The following NALF1 variants were observed in gnomAD, a reference collection of about 807,000 sequenced individuals.
NALF1 encodes NALCN channel auxiliary factor 1.
Under a neutral mutation model 48.4 loss-of-function variants are expected in NALF1, and 3 were observed. The ratio of observed to expected loss-of-function variants is 0.06; its 90% confidence interval spans 0.03 to 0.16. The LOEUF (loss-of-function observed/expected upper bound fraction) is 0.16, where lower values mean the gene tolerates loss of function less well. NALF1 is among the 10% of genes least tolerant of loss of function. NALF1 has a pLI of 1.00. For synonymous variants in NALF1, 262 were observed against 245.7 expected, an observed-to-expected ratio of 1.07 and a Z score of -0.62; for missense variants, 526 against 571.5, an observed-to-expected ratio of 0.92 and a Z score of 0.81.
intron 1 of NALF1, among the ~76,000 whole-genome samples, chr13:107,632,545 C>T (rs1879861912): frequency 6.6e-6 from 1 of 152,132 alleles, no homozygotes; most frequent in Admixed American, 6.6e-5. Flanking sequence ...TCCTCTCTTA[C>T]TTTCTCTTTC....
chr13:107,794,330 T>G (rs1162107520), intron 1 of NALF1, among the ~76,000 whole-genome samples: 1 of 152,168 alleles, frequency 6.6e-6, no homozygotes, highest in Non-Finnish European at 1.5e-5. Flanking sequence ...GCTTTTGACT[T>G]GTCCCTCTTG....
intron 1 of NALF1, among the ~76,000 whole-genome samples, chr13:107,780,682 A>G (rs1877862855): frequency 6.6e-6 from 1 of 151,960 alleles, no homozygotes; most frequent in African/African-American, 2.4e-5. Context: ...CTGTAATCCC[A>G]GCACTTTGGG....
chr13:107,271,814 A>ATATTTATTTATATATATATATATT (rs1555329806), intron 1 of NALF1, among the ~76,000 whole-genome samples: 3 of 102,588 alleles, frequency 2.9e-5, no homozygotes, highest in African/African-American at 1.5e-4. Flanking sequence ...ATATATATAT[A>ATATTTATTTATATATATATATATT]TATTTATATA....
intron 1 of NALF1, among the ~76,000 whole-genome samples, chr13:107,593,495 GT>G: frequency 6.6e-6 from 1 of 151,986 alleles, no homozygotes; most frequent in Non-Finnish European, 1.5e-5. Flanking sequence ...AAATAAGCAA[GT>G]TTTTAATAAA....
rs1031713420 is a variant in NALF1, at chr13:107,523,382, A to G, written c.916-312627T>C. On this transcript the variant is annotated intron_variant, in intron 1 of 2. Transcript: ENST00000375915. ...ATAAGAAATTTTTTTTAATTTTATT[A>G]TTATTATACTTTAAGTTTTAGGGTA... 3.4e-4 allele frequency among the ~76,000 whole-genome samples: 52 copies of G among 151,930 alleles called. 1 individual carries two copies. Among genetic ancestry groups the G allele is most frequent in the Admixed American group, 3.0e-3 (46 of 15,246 alleles).
At chr13:107,815,660 A>G (rs1319322902) in intron 1 of NALF1, among the ~76,000 whole-genome samples, 2 of 152,176 alleles carry the variant, frequency 1.3e-5, no homozygotes, top group East Asian at 3.9e-4. Flanking sequence ...AAATTAAAAC[A>G]TATGTTCACA....
chr13:107,586,458 C>T (rs542714117), intron 1 of NALF1, among the ~76,000 whole-genome samples: 1 of 152,096 alleles, frequency 6.6e-6, no homozygotes, highest in East Asian at 1.9e-4. Flanking sequence ...CTTCAGCATG[C>T]TTTTAGAATA....
At chr13:107,666,022 A>T (rs1179399749) in intron 1 of NALF1, among the ~76,000 whole-genome samples, 2 of 152,158 alleles carry the variant, frequency 1.3e-5, no homozygotes, top group Non-Finnish European at 2.9e-5. Flanking sequence ...ACAAAATGCC[A>T]AATTAGATCT....
chr13:107,257,559 G>T (rs1880844107), intron 1 of NALF1, among the ~76,000 whole-genome samples: 1 of 150,372 alleles, frequency 6.7e-6, no homozygotes, highest in Admixed American at 6.6e-5. Flanking sequence ...ATAGTTTTAA[G>T]GGCCCTCAGA....
chr13:107,412,484 T>C (rs1444607144), intron 1 of NALF1, among the ~76,000 whole-genome samples: 1 of 152,036 alleles, frequency 6.6e-6, no homozygotes, highest in Non-Finnish European at 1.5e-5. Context: ...GGCACTGCAG[T>C]ATTCACACTG....
chr13:107,790,724 T>G (rs969345970), intron 1 of NALF1, among the ~76,000 whole-genome samples: 1 of 152,184 alleles, frequency 6.6e-6, no homozygotes, highest in African/African-American at 2.4e-5. Context: ...GGAGTGTTAA[T>G]TTTTAGCCAT....
In NALF1 at chr13:107,756,444, T is replaced by TATATATAC. The variant is rs1555323657; in HGVS notation, c.915+109237_915+109238insGTATATAT. On this transcript the variant is annotated intron_variant, in intron 1 of 2. Transcript: ENST00000375915. ...TAAATAAGTTTAATGGCTATATATATATATATATATAAAGCATAAATACAC... is the reference window on the plus strand; with the variant it reads ...TAAATAAGTTTAATGGCTATATATATATATATACATATATATATAAAGCATAAATACAC... Among the ~76,000 whole-genome samples, 1,499 of 150,594 alleles carry TATATATAC rather than the reference T, an allele frequency of 1.0e-2. 34 individuals are homozygous for TATATATAC. Among genetic ancestry groups the TATATATAC allele is most frequent in the African/African-American group, 0.035 (1,428 of 40,966 alleles).
At chr13:107,595,271 C>T (rs1878710834) in intron 1 of NALF1, among the ~76,000 whole-genome samples, 1 of 152,058 alleles carries the variant, frequency 6.6e-6, no homozygotes, top group African/African-American at 2.4e-5. Flanking sequence ...TCTAATCTAC[C>T]ATATAATGAG....
chr13:107,621,803 A>G (rs1879523555), intron 1 of NALF1, among the ~76,000 whole-genome samples: 1 of 152,152 alleles, frequency 6.6e-6, no homozygotes, highest in African/African-American at 2.4e-5. Flanking sequence ...CCTTCTGATC[A>G]CAGCTGAGGC....
intron 1 of NALF1, among the ~76,000 whole-genome samples, chr13:107,470,812 A>T (rs551000181): frequency 6.6e-6 from 1 of 152,274 alleles, no homozygotes; most frequent in South Asian, 2.1e-4. Context: ...TAATACACAT[A>T]TACATGTATA....
intron 1 of NALF1, among the ~76,000 whole-genome samples, chr13:107,590,795 C>T (rs1293424196): frequency 6.6e-6 from 1 of 151,852 alleles, no homozygotes; most frequent in Admixed American, 6.6e-5. Flanking sequence ...TGAGAAGAGG[C>T]CAAGCACCTT....
intron 1 of NALF1, among the ~76,000 whole-genome samples, chr13:107,744,405 A>G (rs1876725005): frequency 6.6e-6 from 1 of 151,166 alleles, no homozygotes; most frequent in Non-Finnish European, 1.5e-5. Context: ...AAGTGTTTTA[A>G]AAAAAAATGA....
intron 1 of NALF1, among the ~76,000 whole-genome samples, chr13:107,242,691 G>A (rs1194300161): frequency 2.6e-5 from 4 of 151,992 alleles, no homozygotes; most frequent in Non-Finnish European, 5.9e-5. Flanking sequence ...GATCCATTTT[G>A]CAGTATGCCA....
At chr13:107,295,250 C>G (rs1288740347) in intron 1 of NALF1, among the ~76,000 whole-genome samples, 1 of 152,150 alleles carries the variant, frequency 6.6e-6, no homozygotes, top group South Asian at 2.1e-4. Context: ...ATTTGCTTTT[C>G]TGTGTCTGCA....
Sources: allele counts gnomAD v4.1 joint callset (sites outside exome capture counted in the v4.1 genomes callset), GRCh38; gene constraint gnomAD v4.1.1; transcripts MANE v1.5; gene names NCBI Gene and HGNC (gene_info 2026-07-23, HGNC 2026-07-21).